The following SUPT3H variants were observed in gnomAD, a reference collection of about 807,000 sequenced individuals.
SUPT3H encodes the protein SPT3 homolog, SAGA and STAGA complex component.
SUPT3H carries 44 observed loss-of-function variants against 44.3 expected under a neutral mutation model. The ratio of observed to expected loss-of-function variants is 0.99; its 90% CI spans 0.78 to 1.28. The LOEUF is 1.28. Ranked by LOEUF, SUPT3H falls within the 50% of genes most tolerant of loss-of-function variation. SUPT3H has a pLI of 0.00. For synonymous variants in SUPT3H, 124 were observed against 125.6 expected, an observed-to-expected ratio of 0.99 and a Z score of 0.09; for missense variants, 380 against 387.1, an observed-to-expected ratio of 0.98 and a Z score of 0.15.
At chr6:45,195,494 GA>G (rs1815866474) in intron 2 of SUPT3H, among the ~76,000 whole-genome samples, 1 of 152,126 alleles carries the variant, frequency 6.6e-6, no homozygotes, top group Admixed American at 6.6e-5. Context: ...AATGTCAAAA[GA>G]ATTGCAAAGC....
chr6:45,375,469 C>A (rs377053412), intron 1 of SUPT3H, among the ~76,000 whole-genome samples: 3 of 152,294 alleles, frequency 2.0e-5, no homozygotes, highest in African/African-American at 7.2e-5. Flanking sequence ...GAGCTATTCT[C>A]TCCATCTGAT....
chr6:45,300,641 G>A (rs772231925), intron 2 of SUPT3H, among the ~76,000 whole-genome samples: 1 of 152,126 alleles, frequency 6.6e-6, no homozygotes, highest in Non-Finnish European at 1.5e-5. Flanking sequence ...TTATCCTATG[G>A]GTTGATGAAA....
intron 6 of SUPT3H, among the ~76,000 whole-genome samples, chr6:44,981,869 G>GA (rs374909903): frequency 0.5 from 63,728 of 128,668 alleles, 15,638 homozygotes; most frequent in East Asian, 0.69. Flanking sequence ...TACATGACAT[G>GA]AAAAAAAAAA....
intron 10 of SUPT3H, among the ~76,000 whole-genome samples, chr6:44,888,121 CA>C (rs1396188224): frequency 2.0e-5 from 3 of 152,138 alleles, no homozygotes; most frequent in Non-Finnish European, 4.4e-5. Context: ...TGGCAATAAT[CA>C]ATGGCTTACC....
At chr6:45,124,904 A>C (rs541326837) in intron 2 of SUPT3H, among the ~76,000 whole-genome samples, 1 of 152,096 alleles carries the variant, frequency 6.6e-6, no homozygotes, top group Non-Finnish European at 1.5e-5. Context: ...TCCTTACAAA[A>C]AGTGGAAATT....
intron 2 of SUPT3H, among the ~76,000 whole-genome samples, chr6:45,234,575 A>G (rs1159826377): frequency 6.6e-6 from 1 of 151,796 alleles, no homozygotes; most frequent in Non-Finnish European, 1.5e-5. Flanking sequence ...ATACATATAT[A>G]TATACACACA....
At chr6:45,070,141 A>T (rs538425081) in intron 3 of SUPT3H, among the ~76,000 whole-genome samples, 1 of 152,314 alleles carries the variant, frequency 6.6e-6, no homozygotes, top group Non-Finnish European at 1.5e-5. Context: ...ATAGGCTATG[A>T]ATCCAATGAT....
rs1454215078 is a variant in SUPT3H at position 45,241,296 on chromosome 6, T to C, written c.101+123905A>G. ...TGTGACATGTTCATGATGGCCATGA[T>C]GCCCATGCTGAAGGTTGTGGGTTTA... On this transcript the variant is annotated intron_variant, in intron 2 of 10. Coordinates refer to ENST00000371459, the MANE Select transcript of SUPT3H (RefSeq NM_003599.4). Among the ~76,000 whole-genome samples the C allele has an allele frequency of 4.6e-5, 7 of 152,252 alleles. No individual in the cohort carries two copies. In the East Asian group the frequency reaches 1.4e-3, roughly 29 times the overall value.
intron 2 of SUPT3H, among the ~76,000 whole-genome samples, chr6:45,258,826 TAATA>T (rs1275971200): frequency 6.6e-6 from 1 of 152,168 alleles, no homozygotes; most frequent in Non-Finnish European, 1.5e-5. Context: ...AATTAATCAT[TAATA>T]AAAAACATGA....
chr6:44,825,011 A>G (rs1330977255), downstream of SUPT3H, among the ~76,000 whole-genome samples: 1 of 152,252 alleles, frequency 6.6e-6, no homozygotes, highest in Admixed American at 6.5e-5. Flanking sequence ...TGCTGCAAAC[A>G]CGTAAACAAG....
chr6:44,991,197 AAATT>A (rs1562214497), intron 6 of SUPT3H, among the ~76,000 whole-genome samples: 2 of 152,166 alleles, frequency 1.3e-5, no homozygotes, highest in Non-Finnish European at 2.9e-5. Context: ...ATTTATCTGA[AAATT>A]AAACACTCAA....
chr6:45,286,719 T>C (rs924084890), intron 2 of SUPT3H, among the ~76,000 whole-genome samples: 1 of 152,200 alleles, frequency 6.6e-6, no homozygotes, highest in African/African-American at 2.4e-5. Context: ...AAATACCATT[T>C]GACCCAGCCA....
intron 10 of SUPT3H, among the ~76,000 whole-genome samples, chr6:44,882,628 A>T (rs537234822): frequency 3.3e-5 from 5 of 152,294 alleles, no homozygotes; most frequent in African/African-American, 1.2e-4. Context: ...TCAATGCAAA[A>T]ATCCTCAATA....
chr6:45,278,681 T>C (rs1584647238), intron 2 of SUPT3H, among the ~76,000 whole-genome samples: 1 of 152,190 alleles, frequency 6.6e-6, no homozygotes, highest in Admixed American at 6.5e-5. Flanking sequence ...TGCAAAAGAA[T>C]TAATGATTTC....
At chr6:45,122,266 G>A (rs1801791304) in intron 2 of SUPT3H, among the ~76,000 whole-genome samples, 1 of 152,064 alleles carries the variant, frequency 6.6e-6, no homozygotes, top group East Asian at 1.9e-4. Context: ...GCTGTCTGTA[G>A]CACTTTTAGT....
At chr6:45,326,355 C>T (rs1786330534) in intron 2 of SUPT3H, among the ~76,000 whole-genome samples, 1 of 151,810 alleles carries the variant, frequency 6.6e-6, no homozygotes, top group East Asian at 1.9e-4. Flanking sequence ...ATCCCACAAG[C>T]TATAAGGACA....
intron 3 of SUPT3H, among the ~76,000 whole-genome samples, chr6:45,026,353 A>G (rs1286473309): frequency 1.3e-5 from 2 of 152,166 alleles, no homozygotes; most frequent in African/African-American, 4.8e-5. Flanking sequence ...CCTTAGATAC[A>G]TCAAATAAGT....
chr6:44,834,260 GTAAA>G lies in SUPT3H; in HGVS notation c.913-4407_913-4404del, dbSNP rs763651801. On this transcript the variant is annotated intron_variant, in intron 10 of 10. Transcript: ENST00000371459. ...TTTCAGAATCTGTCATGATTATGGA[GTAAA>G]TAAATATTTCCTAATGGAAATTCTA... Among the ~76,000 whole-genome samples the G allele has an allele frequency of 7.9e-5, 12 of 152,314 alleles. No homozygotes were observed. In the South Asian group the frequency reaches 1.7e-3, roughly 21 times the overall value.
chr6:44,920,565 C>CA (rs5875898), intron 10 of SUPT3H, among the ~76,000 whole-genome samples: 3,345 of 113,382 alleles, frequency 0.03, 67 homozygotes, highest in South Asian at 0.049. Context: ...TTGTTTCTTT[C>CA]AAAAAAAAAA....
Sources: allele counts gnomAD v4.1 joint callset (sites outside exome capture counted in the v4.1 genomes callset), GRCh38; gene constraint gnomAD v4.1.1; transcripts MANE v1.5; gene names NCBI Gene and HGNC (gene_info 2026-07-23, HGNC 2026-07-21).